The following ANGPT4 variants were observed in gnomAD, a reference collection of about 807,000 sequenced individuals.
The protein encoded by ANGPT4 is angiopoietin 4, also known as angiopoietin-4.
Under a neutral mutation model 53.0 loss-of-function variants are expected in ANGPT4, and 50 were observed. The observed-to-expected ratio is 0.94, with a 90% CI of 0.75 to 1.20. The LOEUF is 1.20. Among genes scored for constraint, ANGPT4 ranks in the 50% most tolerant of loss-of-function variants. ANGPT4 has a pLI of 0.00. For missense variants in ANGPT4, 648 were observed against 637.1 expected, an observed-to-expected ratio of 1.02 and a Z score of -0.18; for synonymous variants, 251 against 259.7, an observed-to-expected ratio of 0.97 and a Z score of 0.32.
Position 873,202 on chromosome 20 carries a change from G to A in ANGPT4, c.1352-82C>T, listed in dbSNP as rs1600036646. The A allele has an allele frequency of 4.1e-6, 5 of 1,224,484 alleles. No homozygotes were observed. In the East Asian group the frequency reaches 1.7e-4, roughly 41 times the overall value. The allele number at this position is 1,224,484 out of a possible 1,614,324, so 75.9% of individuals were successfully genotyped here. ...GAGGGCAGCCCCTGTGTCCCAAAGA[G>A]AACAAAGACTAATCGGGGCTGTTGC... On this transcript the variant is annotated intron_variant, in intron 8 of 8. Transcript: ENST00000381922.
chr20:899,655 C>A (rs1201731061), intron 1 of ANGPT4, among the ~76,000 whole-genome samples: 1 of 152,116 alleles, frequency 6.6e-6, no homozygotes, highest in Non-Finnish European at 1.5e-5. Context: ...ACAGGCTGGT[C>A]CAAGATCTTC....
intron 8 of ANGPT4, 69 bp from the exon 9 acceptor site, chr20:873,189 T>C: frequency 1.4e-6 from 2 of 1,407,404 alleles, no homozygotes; most frequent in Middle Eastern, 2.2e-4. Flanking sequence ...GGGCAGCCCC[T>C]GTGTCCCAAA....
Position 885,236 on chromosome 20 carries a change from G to A in ANGPT4, c.677C>T (p.Thr226Met). The stretch of plus-strand genomic sequence containing the variant: ...GAGGGCGGCGCTCTGGCGGCTCAGC[G>A]TGTTCAGCAGCTTCGCCTTCTTGCT... ...ILSKKAKLLNTLSRQSAALTN... is the reference protein window; with the variant it reads ...ILSKKAKLLNMLSRQSAALTN... Residue 226 changes from threonine to methionine, a missense_variant, in exon 4 of 9, where the codon ACG becomes ATG. Coordinates refer to ENST00000381922, the MANE Select transcript of ANGPT4 (RefSeq NM_015985.4). The A allele has an allele frequency of 6.3e-7, 1 of 1,585,254 alleles. No individual in the cohort carries two copies. The highest frequency in any genetic ancestry group is 1.1e-5 in the South Asian group (1 of 87,664).
chr20:890,229 G>T lies in ANGPT4; in HGVS notation c.449C>A (p.Thr150Asn). 1 of 1,613,748 alleles carries T rather than the reference G, an allele frequency of 6.2e-7. No individual in the cohort carries two copies. The highest frequency in any genetic ancestry group is 1.3e-5 in the African/African-American group (1 of 75,044). ...CTCTGTTACCTGAGCCTCCATGTCG[G>T]TCAGCTTGCGGATCTGGGCAGTGGT... ...NQTTAQIRKL[T>N]DMEAQLLNQT... Residue 150 changes from threonine (T) to asparagine (N), a missense_variant, in exon 2 of 9, where the codon ACC becomes AAC. Transcript: ENST00000381922.
In ANGPT4 at chr20:870,335, C is replaced by T. The variant is rs1321136508; in HGVS notation, c.*2625G>A. 1 of 152,058 alleles carries T rather than the reference C, an allele frequency of 6.6e-6. No homozygotes were observed. The highest frequency in any genetic ancestry group is 2.4e-5 in the African/African-American group (1 of 41,382). The allele number at this position is 152,058 out of a possible 1,614,324, so 9.4% of individuals were successfully genotyped here. Reference sequence around the variant, plus strand: ...CATGAGGCCAGGAGTTTGAGACCAGCCTGGCCAACATGGTGAAAACCCGTT... The same window carrying T: ...CATGAGGCCAGGAGTTTGAGACCAGTCTGGCCAACATGGTGAAAACCCGTT... On this transcript the variant is annotated 3_prime_UTR_variant, in exon 9 of 9. Coordinates refer to ENST00000381922, the MANE Select transcript of ANGPT4 (RefSeq NM_015985.4).
intron 3 of ANGPT4, among the ~76,000 whole-genome samples, chr20:887,884 A>G (rs1981674525): frequency 7.0e-6 from 1 of 143,098 alleles, no homozygotes; most frequent in Non-Finnish European, 1.6e-5. Flanking sequence ...TAAATAAAAG[A>G]AGGAGGAAGG....
At chr20:884,160 C>T (rs2122780705) in intron 4 of ANGPT4, among the ~76,000 whole-genome samples, 1 of 152,370 alleles carries the variant, frequency 6.6e-6, no homozygotes, top group Admixed American at 6.5e-5. Context: ...AGTAGTCCCA[C>T]TCTGTTCAAA....
At position 908,660 on chromosome 20, in the gene ANGPT4, G is replaced by A. The variant is rs1982575122; in HGVS notation, c.309+7246C>T. On this transcript the variant is annotated intron_variant, in intron 1 of 8. Transcript: ENST00000381922. The surrounding 1 kb of genome is among the most constrained non-coding windows in gnomAD (Gnocchi z 4.9). Reference sequence around the variant, plus strand: ...ATCCTTGTCACTTGCATGGCGCCTGGCGCATTGTAAGCCCTCAATAAACAG... The same window carrying A: ...ATCCTTGTCACTTGCATGGCGCCTGACGCATTGTAAGCCCTCAATAAACAG... Among the ~76,000 whole-genome samples, 1 of 152,188 alleles carries A rather than the reference G, an allele frequency of 6.6e-6. No homozygotes were observed. Among genetic ancestry groups the A allele is most frequent in the Non-Finnish European group, 1.5e-5 (1 of 68,038 alleles).
Position 891,379 on chromosome 20 carries a change from T to C in ANGPT4, c.310-1011A>G, listed in dbSNP as rs76533525. 7.8e-3 allele frequency among the ~76,000 whole-genome samples: 1,193 copies of C among 152,316 alleles called. 11 individuals carry two copies. Among genetic ancestry groups the C allele is most frequent in the Admixed American group, 0.014 (208 of 15,304 alleles). Reference sequence around the variant, plus strand: ...TGTTCTGGGATCCCACATGCAAATGTTCATTTCTTTGACAGGGCTGCTCTC... The same window carrying C: ...TGTTCTGGGATCCCACATGCAAATGCTCATTTCTTTGACAGGGCTGCTCTC... On this transcript the variant is annotated intron_variant, in intron 1 of 8. Coordinates refer to ENST00000381922, the MANE Select transcript of ANGPT4 (RefSeq NM_015985.4).
chr20:896,718 G>A (rs1474492798), intron 1 of ANGPT4, among the ~76,000 whole-genome samples: 1 of 152,192 alleles, frequency 6.6e-6, no homozygotes, highest in African/African-American at 2.4e-5. Context: ...TGTGACCTTA[G>A]GCTGGGGCCT....
chr20:870,312 T>C lies in ANGPT4; in HGVS notation c.*2648A>G, dbSNP rs1261590550. The C allele has an allele frequency of 6.6e-6, 1 of 152,142 alleles. No individual in the cohort carries two copies. Among genetic ancestry groups the C allele is most frequent in the African/African-American group, 2.4e-5 (1 of 41,430 alleles). The allele number at this position is 152,142 out of a possible 1,614,324, so 9.4% of individuals were successfully genotyped here. A position where few individuals can be genotyped will look rare whatever the true frequency, so the allele number is the denominator to read the frequency against. The stretch of plus-strand genomic sequence containing the variant: ...GGGAGGCTGAGGCAGGTGGATCACA[T>C]GAGGCCAGGAGTTTGAGACCAGCCT... On this transcript the variant is annotated 3_prime_UTR_variant, in exon 9 of 9. Transcript: ENST00000381922.
intron 1 of ANGPT4, among the ~76,000 whole-genome samples, chr20:906,340 C>G (rs1185418953): frequency 1.3e-5 from 2 of 152,152 alleles, no homozygotes; most frequent in East Asian, 3.9e-4. Context: ...GGCCGAGCCC[C>G]AGCCCAGGTC....
intron 1 of ANGPT4, among the ~76,000 whole-genome samples, chr20:898,309 A>G (rs1045557367): frequency 6.6e-6 from 1 of 152,158 alleles, no homozygotes; most frequent in Non-Finnish European, 1.5e-5. Flanking sequence ...TCGTTCTGCA[A>G]CTAGCCCTCC....
At chr20:897,119 A>C (rs1158754533) in intron 1 of ANGPT4, among the ~76,000 whole-genome samples, 1 of 152,160 alleles carries the variant, frequency 6.6e-6, no homozygotes, top group African/African-American at 2.4e-5. Flanking sequence ...CAAATCCTAT[A>C]AAACTGCCCA....
intron 1 of ANGPT4, among the ~76,000 whole-genome samples, chr20:891,998 C>T (rs1160687020): frequency 6.6e-6 from 1 of 152,172 alleles, no homozygotes; most frequent in Admixed American, 6.5e-5. Context: ...CAGATGCCTG[C>T]TCAAGTGTGA....
chr20:881,425 G>A (rs1451458698), intron 4 of ANGPT4, 139 bp from the exon 5 acceptor site: 2 of 730,088 alleles, frequency 2.7e-6, no homozygotes, highest in Admixed American at 4.2e-5. Flanking sequence ...GACCTGGGAA[G>A]ATTTCGTAGA....
intron 7 of ANGPT4, among the ~76,000 whole-genome samples, chr20:875,393 A>G (rs1212106181): frequency 6.6e-6 from 1 of 152,144 alleles, no homozygotes; most frequent in Non-Finnish European, 1.5e-5. Context: ...CAGCTTCGAC[A>G]TCTGCTGCCA....
At chr20:910,626 C>T (rs1456540069) in intron 1 of ANGPT4, among the ~76,000 whole-genome samples, 2 of 152,194 alleles carry the variant, frequency 1.3e-5, no homozygotes, top group Non-Finnish European at 2.9e-5. Context: ...CGTTTTCTAA[C>T]ATTTCCTGCC....
At position 899,454 on chromosome 20, in the gene ANGPT4, C is replaced by T. The variant is rs138928235; in HGVS notation, c.310-9086G>A. Among the ~76,000 whole-genome samples, 664 of 152,040 alleles carry T rather than the reference C, an allele frequency of 4.4e-3. 10 individuals carry two copies. The highest frequency in any genetic ancestry group is 0.015 in the African/African-American group (615 of 41,454). ...TTTTTTAGTAGAGACGGGGTTTCACCGTGTTAGCCAGGATATTCTCGATTT... is the reference window on the plus strand; with the variant it reads ...TTTTTTAGTAGAGACGGGGTTTCACTGTGTTAGCCAGGATATTCTCGATTT... On this transcript the variant is annotated intron_variant, in intron 1 of 8. Coordinates refer to ENST00000381922, the MANE Select transcript of ANGPT4 (RefSeq NM_015985.4).
Sources: gnomAD v4.1 joint callset for allele counts (sites outside exome capture counted in the v4.1 genomes callset) on GRCh38, gnomAD v4.1.1 for gene constraint, Gnocchi (gnomAD v3.1) non-coding constraint, MANE v1.5 for transcripts, NCBI Gene and HGNC (gene_info 2026-07-23, HGNC 2026-07-21) for gene names.